Variants in CCDC7 observed in about 807,000 individuals in gnomAD.
CCDC7 encodes coiled-coil domain-containing protein 7.
Under a neutral mutation model 196.9 loss-of-function variants are expected in CCDC7, and 183 were observed. The ratio of observed to expected loss-of-function variants is 0.93; its 90% CI spans 0.82 to 1.05. The LOEUF (loss-of-function observed/expected upper bound fraction) is 1.05, where lower values mean the gene tolerates loss of function less well. Among genes scored for constraint, CCDC7 ranks in the 50% least tolerant of loss-of-function variants. The pLI is 0.00. For synonymous variants in CCDC7, 525 were observed against 484.6 expected (o/e 1.08, Z -1.10); for missense variants, 1,540 against 1,482.2 (o/e 1.04, Z -0.64).
intron 13 of CCDC7, among the ~76,000 whole-genome samples, chr10:32,563,711 A>T (rs1425629374): frequency 1.3e-5 from 2 of 152,190 alleles, no homozygotes; most frequent in Non-Finnish European, 2.9e-5. Context: ...AAGAAAACCT[A>T]GGCATTACCA....
chr10:32,565,613 C>G (rs751403040), exon 14 of CCDC7: 1 of 1,608,892 alleles, frequency 6.2e-7, no homozygotes, highest in Non-Finnish European at 8.5e-7. Flanking sequence ...TTGAAACAGG[C>G]TTTACAGGTA....
intron 24 of CCDC7, among the ~76,000 whole-genome samples, chr10:32,699,552 C>A (rs1461696005): frequency 6.7e-6 from 1 of 149,128 alleles, no homozygotes; most frequent in Non-Finnish European, 1.5e-5. Context: ...GATTTATAAT[C>A]CTTTGGGTAT....
chr10:32,728,743 G>A (rs2083474521), intron 26 of CCDC7, 144 bp from the exon 28 acceptor site: 2 of 476,598 alleles, frequency 4.2e-6, no homozygotes, highest in African/African-American at 2.0e-5. Context: ...TTCCACAGCA[G>A]CCATTAAAAT....
At chr10:32,502,119 G>A (rs1009498894) in intron 9 of CCDC7, among the ~76,000 whole-genome samples, 1 of 152,204 alleles carries the variant, frequency 6.6e-6, no homozygotes, top group Non-Finnish European at 1.5e-5. Flanking sequence ...AGACTGCTGT[G>A]CTAGCAGAGA....
chr10:32,506,849 A>G (rs1240047240), intron 9 of CCDC7, among the ~76,000 whole-genome samples: 1 of 151,782 alleles, frequency 6.6e-6, no homozygotes, highest in Admixed American at 6.6e-5. Flanking sequence ...GAGACCGTAG[A>G]AAGAAAGGGG....
At chr10:32,565,532 C>CT (rs754284695) in intron 13 of CCDC7, 26 bp from the exon 15 acceptor site, 2 of 1,598,836 alleles carry the variant, frequency 1.3e-6, no homozygotes, top group South Asian at 1.1e-5. Context: ...AAGTAAATAC[C>CT]TTTTTTCCCC....
rs562764384 is a variant in CCDC7 at position 32,598,239 on chromosome 10, C to G, written c.1801+13935C>G. Among the ~76,000 whole-genome samples the G allele has an allele frequency of 1.3e-4, 20 of 152,264 alleles. No homozygotes were observed. In the East Asian group the frequency reaches 3.7e-3, roughly 28 times the overall value. The stretch of plus-strand genomic sequence containing the variant: ...CACCCCCAGCCTCACTGTCGCCTTG[C>G]AGTTTGATCTCAGACTGCTGTGCTA... On this transcript the variant is annotated intron_variant, in intron 18 of 41. Coordinates refer to ENST00000639629, the Ensembl canonical transcript of CCDC7.
At chr10:32,734,370 T>G (rs2084501607) in intron 28 of CCDC7, among the ~76,000 whole-genome samples, 1 of 152,086 alleles carries the variant, frequency 6.6e-6, no homozygotes, top group South Asian at 2.1e-4. Context: ...ATGTTCTCAC[T>G]TATAAGTAGG....
At chr10:32,680,880 G>C (rs978611365) in intron 21 of CCDC7, among the ~76,000 whole-genome samples, 1 of 152,190 alleles carries the variant, frequency 6.6e-6, no homozygotes, top group Non-Finnish European at 1.5e-5. Flanking sequence ...AAAACTGAGA[G>C]AATTTGGGGA....
chr10:32,518,119 T>TCC (rs2135522225), intron 10 of CCDC7, 144 bp downstream of exon 11: 2 of 1,110,466 alleles, frequency 1.8e-6, no homozygotes, highest in South Asian at 4.2e-5. Flanking sequence ...ATGTGAACTT[T>TCC]CTGGAAAGCC....
At chr10:32,724,405 A>T (rs1475370078) in intron 25 of CCDC7, among the ~76,000 whole-genome samples, 1 of 152,146 alleles carries the variant, frequency 6.6e-6, no homozygotes, top group African/African-American at 2.4e-5. Context: ...TGGTCAATTA[A>T]TATAACAAGT....
chr10:32,828,415 G>GAA (rs1302120488), intron 32 of CCDC7, among the ~76,000 whole-genome samples: 12 of 133,530 alleles, frequency 9.0e-5, no homozygotes, highest in Middle Eastern at 4.1e-3. Context: ...AGAAGGAGAA[G>GAA]GAGAAGAAGA....
At chr10:32,654,602 T>A (rs779308021) in intron 20 of CCDC7, among the ~76,000 whole-genome samples, 1 of 152,162 alleles carries the variant, frequency 6.6e-6, no homozygotes, top group Non-Finnish European at 1.5e-5. Flanking sequence ...AGACAGAGAT[T>A]TCCTTAAATG....
intron 28 of CCDC7, among the ~76,000 whole-genome samples, chr10:32,753,533 T>G (rs1375718551): frequency 6.6e-6 from 1 of 152,096 alleles, no homozygotes; most frequent in Non-Finnish European, 1.5e-5. Context: ...GTCACATCAT[T>G]ACAGATGGAT....
At chr10:32,630,125 A>AG (rs1297643117) in intron 18 of CCDC7, among the ~76,000 whole-genome samples, 1 of 152,008 alleles carries the variant, frequency 6.6e-6, no homozygotes, top group Non-Finnish European at 1.5e-5. Flanking sequence ...AGCTGTTCTC[A>AG]GGGGTATTAG....
intron 11 of CCDC7, among the ~76,000 whole-genome samples, chr10:32,528,484 A>G (rs978666181): frequency 6.7e-6 from 1 of 149,946 alleles, no homozygotes; most frequent in African/African-American, 2.5e-5. Flanking sequence ...GGTCCCACTT[A>G]TGAGTGAGAG....
chr10:32,639,348 C>T (rs2066281129), intron 20 of CCDC7, among the ~76,000 whole-genome samples: 1 of 152,016 alleles, frequency 6.6e-6, no homozygotes, highest in Admixed American at 6.6e-5. Flanking sequence ...TTAGATCTTT[C>T]CTGCTTTCTC....
At chr10:32,751,652 C>A (rs2075677157) in intron 28 of CCDC7, among the ~76,000 whole-genome samples, 1 of 152,110 alleles carries the variant, frequency 6.6e-6, no homozygotes. Flanking sequence ...ACTGTAGCCT[C>A]TCAGGGTGTT....
At chr10:32,456,275 T>C (rs376733998) in exon 3 of CCDC7, 6 of 1,568,202 alleles carry the variant, frequency 3.8e-6, no homozygotes, top group Non-Finnish European at 5.2e-6. Context: ...GAATTCATTC[T>C]TGACATATTG....
Sources: allele counts gnomAD v4.1 joint callset (sites outside exome capture counted in the v4.1 genomes callset), GRCh38; gene constraint gnomAD v4.1.1; transcripts MANE v1.5; gene names NCBI Gene and HGNC (gene_info 2026-07-23, HGNC 2026-07-21).